The following FREM1 variants were observed in gnomAD, a reference collection of about 807,000 sequenced individuals.
FREM1 encodes the protein FRAS1-related extracellular matrix protein 1.
A neutral mutation model predicts 210.1 loss-of-function variants in FREM1; 220 were observed. The ratio of observed to expected loss-of-function variants is 1.05; its 90% CI spans 0.94 to 1.17. The LOEUF is 1.17. Ranked by LOEUF, FREM1 falls within the 50% of genes most tolerant of loss-of-function variation. The probability of loss-of-function intolerance (pLI) is 0.00; values close to 1 mark genes in which losing one functional copy is unlikely to be tolerated. For missense variants in FREM1, 3,454 were observed against 2,675.5 expected, an observed-to-expected ratio of 1.29 and a Z score of -6.42; for synonymous variants, 1,189 against 980.2, an observed-to-expected ratio of 1.21 and a Z score of -3.98.
chr9:14,780,601 C>A (rs1849509890), intron 24 of FREM1, among the ~76,000 whole-genome samples: 1 of 152,006 alleles, frequency 6.6e-6, no homozygotes, highest in African/African-American at 2.4e-5. Flanking sequence ...CCAAACAATG[C>A]AGGAGAAATT....
chr9:14,867,879 T>G (rs952295082), intron 2 of FREM1, among the ~76,000 whole-genome samples: 1 of 152,138 alleles, frequency 6.6e-6, no homozygotes, highest in Admixed American at 6.5e-5. Flanking sequence ...TGTATAGTGG[T>G]AACTCCTACT....
rs1465018492 is a variant in FREM1, at chr9:14,756,365, A to C, written c.5407+9T>G. 6 of 1,576,812 alleles carry C rather than the reference A, an allele frequency of 3.8e-6. No individual in the cohort carries two copies. Among genetic ancestry groups the C allele is most frequent in the African/African-American group, 1.4e-5 (1 of 73,672 alleles). The stretch of plus-strand genomic sequence containing the variant: ...AACACATAAAACAAACTGCAGACAC[A>C]AAATGTACCTGGGTCAAACTGAATC... On this transcript the variant is annotated intron_variant, in intron 29 of 36. Transcript: ENST00000380880.
intron 1 of FREM1, among the ~76,000 whole-genome samples, chr9:14,882,230 C>G (rs1176916202): frequency 6.6e-6 from 1 of 152,002 alleles, no homozygotes; most frequent in Non-Finnish European, 1.5e-5. Flanking sequence ...AACTTCCTAC[C>G]TAACAGCATA....
chr9:14,854,283 AG>A (rs1428986246), intron 5 of FREM1, among the ~76,000 whole-genome samples: 1 of 152,206 alleles, frequency 6.6e-6, no homozygotes, highest in Non-Finnish European at 1.5e-5. Flanking sequence ...AAAACATGAT[AG>A]AAAAAAGTGT....
chr9:14,832,351 TAC>T (rs1209383909), intron 10 of FREM1, among the ~76,000 whole-genome samples: 1 of 151,728 alleles, frequency 6.6e-6, no homozygotes, highest in Non-Finnish European at 1.5e-5. Context: ...TATTTGACCG[TAC>T]ACAGAGTTGG....
chr9:14,818,070 G>A (rs1448768576), intron 14 of FREM1, among the ~76,000 whole-genome samples: 1 of 152,102 alleles, frequency 6.6e-6, no homozygotes, highest in Non-Finnish European at 1.5e-5. Flanking sequence ...CAATCTCTTT[G>A]TGCTTAGTTC....
chr9:14,771,518 C>T (rs1337103076), intron 25 of FREM1, among the ~76,000 whole-genome samples: 2 of 152,104 alleles, frequency 1.3e-5, no homozygotes, highest in African/African-American at 2.4e-5. Flanking sequence ...CAAAGGACCT[C>T]GTTCAGTCTG....
At chr9:14,800,626 G>T (rs1178169957) in intron 20 of FREM1, among the ~76,000 whole-genome samples, 3 of 151,558 alleles carry the variant, frequency 2.0e-5, no homozygotes, top group African/African-American at 7.3e-5. Flanking sequence ...GTTTTAAAAA[G>T]GATTTTTTTT....
At chr9:14,847,863 A>G (rs1826975251) in intron 7 of FREM1, among the ~76,000 whole-genome samples, 3 of 152,156 alleles carry the variant, frequency 2.0e-5, no homozygotes. Context: ...TACTGATTCC[A>G]TCTTTTCTCT....
chr9:14,752,021 T>C (rs781096975), intron 29 of FREM1, among the ~76,000 whole-genome samples: 3 of 150,478 alleles, frequency 2.0e-5, no homozygotes, highest in Admixed American at 6.7e-5. Flanking sequence ...AATAATACCA[T>C]ACAATTCCCA....
intron 20 of FREM1, among the ~76,000 whole-genome samples, chr9:14,799,063 G>C (rs1413120874): frequency 6.6e-6 from 1 of 151,994 alleles, no homozygotes; most frequent in Non-Finnish European, 1.5e-5. Flanking sequence ...AAAATCACTT[G>C]AGCCCAGGAG....
At chr9:14,902,831 T>C (rs1251669913) in intron 1 of FREM1, among the ~76,000 whole-genome samples, 2 of 152,250 alleles carry the variant, frequency 1.3e-5, no homozygotes, top group East Asian at 1.9e-4. Context: ...TGGGGGTTTA[T>C]GTGGCTACAT....
At chr9:14,822,661 G>C (rs191192066) in intron 13 of FREM1, among the ~76,000 whole-genome samples, 1 of 152,254 alleles carries the variant, frequency 6.6e-6, no homozygotes, top group East Asian at 1.9e-4. Flanking sequence ...TTTGTAGTTC[G>C]GTTTTAATGA....
chr9:14,748,145 T>C (rs1842784756), intron 31 of FREM1, among the ~76,000 whole-genome samples: 1 of 152,164 alleles, frequency 6.6e-6, no homozygotes, highest in Non-Finnish European at 1.5e-5. Context: ...CCTATTTGTC[T>C]TGGTCACAAA....
rs761606980 is a variant in FREM1, at chr9:14,857,556, G to A, written c.825C>T (p.Tyr275=). Reference sequence around the variant, plus strand: ...CACACATAACCCCAAACTCTACCTTGTACACAATTTTGCTCCTGGTATCTG... The same window carrying A: ...CACACATAACCCCAAACTCTACCTTATACACAATTTTGCTCCTGGTATCTG... ...DLTDTRSKIV[Y]KSESAWLPVY... Residue 275 remains tyrosine, a synonymous_variant, in exon 5 of 37, where the codon TAC becomes TAT. Coordinates refer to ENST00000380880, the MANE Select transcript of FREM1 (RefSeq NM_001379081.2). 1.2e-6 allele frequency: 2 copies of A among 1,612,360 alleles called. No individual in the cohort carries two copies. The highest frequency in any genetic ancestry group is 1.7e-6 in the Non-Finnish European group (2 of 1,179,084).
At chr9:14,882,640 T>C (rs1399857378) in intron 1 of FREM1, among the ~76,000 whole-genome samples, 1 of 151,254 alleles carries the variant, frequency 6.6e-6, no homozygotes, top group Non-Finnish European at 1.5e-5. Context: ...TTATTTTTAG[T>C]AGAGATGGGG....
At chr9:14,908,441 C>T (rs901077713) in intron 1 of FREM1, among the ~76,000 whole-genome samples, 2 of 152,066 alleles carry the variant, frequency 1.3e-5, no homozygotes, top group African/African-American at 4.8e-5. Context: ...GGGGGCAGAT[C>T]AGGCCATATA....
chr9:14,750,168 G>A lies in FREM1; in HGVS notation c.5516C>T (p.Thr1839Ile). Reference protein sequence around the residue: ...LNSPVNAVLGTKTKAAVKILD... With the variant: ...LNSPVNAVLGIKTKAAVKILD... ...AATTTTCACTGCAGCTTTTGTCTTTGTGCCAAGAACTGCATTCACAGGGGA... is the reference window on the plus strand; with the variant it reads ...AATTTTCACTGCAGCTTTTGTCTTTATGCCAAGAACTGCATTCACAGGGGA... Residue 1839 changes from threonine (T) to isoleucine (I), a missense_variant, in exon 30 of 37, where the codon ACA (threonine) becomes ATA (isoleucine). Physicochemically the swap from Thr to Ile is moderately conservative, Grantham distance 89. Coordinates refer to ENST00000380880, the MANE Select transcript of FREM1 (RefSeq NM_001379081.2). The A allele has an allele frequency of 6.2e-7, 1 of 1,613,636 alleles. No homozygotes were observed. Among genetic ancestry groups the A allele is most frequent in the Non-Finnish European group, 8.5e-7 (1 of 1,179,728 alleles).
intron 1 of FREM1, among the ~76,000 whole-genome samples, chr9:14,905,147 C>G (rs1052825289): frequency 6.6e-6 from 1 of 152,060 alleles, no homozygotes; most frequent in African/African-American, 2.4e-5. Context: ...AAGATAATAA[C>G]CATGACTGTT....
Sources: gnomAD v4.1 joint callset for allele counts (sites outside exome capture counted in the v4.1 genomes callset) on GRCh38, gnomAD v4.1.1 for gene constraint, MANE v1.5 for transcripts, NCBI Gene and HGNC (gene_info 2026-07-23, HGNC 2026-07-21) for gene names.